Variants in NOS1AP observed in about 807,000 individuals in gnomAD.
NOS1AP encodes carboxyl-terminal PDZ ligand of neuronal nitric oxide synthase protein.
In NOS1AP, 21 loss-of-function variants were observed where a neutral mutation model predicts 56.2. The observed-to-expected ratio is 0.37, with a 90% CI of 0.26 to 0.54. The LOEUF is 0.54. Among genes scored for constraint, NOS1AP ranks in the 20% least tolerant of loss-of-function variants. The probability of loss-of-function intolerance (pLI) is 0.84; values close to 1 mark genes in which losing one functional copy is unlikely to be tolerated. For missense variants in NOS1AP, 522 were observed against 657.8 expected (o/e 0.79, Z 2.26); for synonymous variants, 270 against 274.6 (o/e 0.98, Z 0.17).
intron 3 of NOS1AP, among the ~76,000 whole-genome samples, chr1:162,288,272 C>G (rs927124690): frequency 6.6e-6 from 1 of 152,072 alleles, no homozygotes; most frequent in Non-Finnish European, 1.5e-5. Context: ...ATTTATGATG[C>G]CTTTGTTTTA....
chr1:162,155,146 G>C (rs1649886247), intron 2 of NOS1AP, among the ~76,000 whole-genome samples: 1 of 151,392 alleles, frequency 6.6e-6, no homozygotes, highest in African/African-American at 2.4e-5. Context: ...GGGGAGGGTG[G>C]AGCTAGTTAA....
chr1:162,288,760 A>T (rs1415606436), intron 3 of NOS1AP, among the ~76,000 whole-genome samples: 2 of 152,138 alleles, frequency 1.3e-5, no homozygotes, highest in Non-Finnish European at 1.5e-5. Flanking sequence ...GAAAAAAGAT[A>T]TACTGTTTAT....
At chr1:162,205,650 G>A (rs1652138478) in intron 2 of NOS1AP, among the ~76,000 whole-genome samples, 1 of 152,136 alleles carries the variant, frequency 6.6e-6, no homozygotes, top group African/African-American at 2.4e-5. Flanking sequence ...ATCACTATTG[G>A]ATCTTTTTAC....
intron 1 of NOS1AP, among the ~76,000 whole-genome samples, chr1:162,090,227 T>C (rs1185391709): frequency 1.3e-5 from 2 of 150,846 alleles, no homozygotes; most frequent in African/African-American, 5.0e-5. Context: ...GAATATTAAA[T>C]CTGTGGTTGA....
At chr1:162,082,471 G>A (rs997628062) in intron 1 of NOS1AP, among the ~76,000 whole-genome samples, 6 of 152,088 alleles carry the variant, frequency 3.9e-5, no homozygotes, top group African/African-American at 1.4e-4. Context: ...GGGATTGCTG[G>A]GTCAAATGTA....
At chr1:162,125,349 G>T (rs1187662502) in intron 1 of NOS1AP, among the ~76,000 whole-genome samples, 1 of 151,954 alleles carries the variant, frequency 6.6e-6, no homozygotes, top group African/African-American at 2.4e-5. Context: ...GCCCAAGCTG[G>T]TCTCGAACTC....
intron 2 of NOS1AP, among the ~76,000 whole-genome samples, chr1:162,186,359 CAT>C (rs1651430350): frequency 6.7e-6 from 1 of 149,490 alleles, no homozygotes; most frequent in African/African-American, 2.5e-5. Context: ...AAGCCTGACT[CAT>C]ATATATTGTA....
chr1:162,335,137 AT>A (rs1228894791), intron 5 of NOS1AP, among the ~76,000 whole-genome samples: 2 of 151,948 alleles, frequency 1.3e-5, no homozygotes, highest in African/African-American at 2.4e-5. Flanking sequence ...TATCATGTCA[AT>A]TTTTTTTCCA....
chr1:162,225,506 C>A (rs758945190), intron 2 of NOS1AP, among the ~76,000 whole-genome samples: 1 of 152,136 alleles, frequency 6.6e-6, no homozygotes, highest in Non-Finnish European at 1.5e-5. Context: ...GTGTAAAGGA[C>A]GATAAAGTGA....
intron 2 of NOS1AP, among the ~76,000 whole-genome samples, chr1:162,180,042 G>A (rs1651197366): frequency 6.6e-6 from 1 of 152,088 alleles, no homozygotes; most frequent in Admixed American, 6.6e-5. Flanking sequence ...GTGAGGACCA[G>A]CATTATGCAG....
chr1:162,318,193 A>T (rs1656292380), intron 4 of NOS1AP, among the ~76,000 whole-genome samples: 1 of 152,168 alleles, frequency 6.6e-6, no homozygotes, highest in Non-Finnish European at 1.5e-5. Flanking sequence ...TCTAGCCTAT[A>T]AATAGGCTTA....
chr1:162,235,591 G>T (rs112988303), intron 2 of NOS1AP, among the ~76,000 whole-genome samples: 2 of 152,202 alleles, frequency 1.3e-5, no homozygotes, highest in African/African-American at 4.8e-5. Flanking sequence ...GCTGCATGGG[G>T]AGATCAAAGC....
chr1:162,158,456 G>T (rs1393451938), intron 2 of NOS1AP, among the ~76,000 whole-genome samples: 5 of 152,126 alleles, frequency 3.3e-5, no homozygotes, highest in Admixed American at 2.0e-4. Context: ...ATGAACATAG[G>T]TATGTAAATA....
chr1:162,297,899 A>G (rs192620639), intron 3 of NOS1AP, among the ~76,000 whole-genome samples: 1 of 152,296 alleles, frequency 6.6e-6, no homozygotes, highest in Non-Finnish European at 1.5e-5. Flanking sequence ...CACAAATTAC[A>G]TAGTTGTGAA....
chr1:162,207,406 A>G (rs1488005625), intron 2 of NOS1AP, among the ~76,000 whole-genome samples: 1 of 152,262 alleles, frequency 6.6e-6, no homozygotes, highest in African/African-American at 2.4e-5. Context: ...CCCAAGGAAC[A>G]GCAGGCATCA....
chr1:162,328,908 C>G (rs1656678766), intron 4 of NOS1AP, among the ~76,000 whole-genome samples: 1 of 152,180 alleles, frequency 6.6e-6, no homozygotes, highest in African/African-American at 2.4e-5. Flanking sequence ...CCATAGGTTT[C>G]TTTCTACTCT....
At chr1:162,328,052 A>G (rs984112179) in intron 4 of NOS1AP, among the ~76,000 whole-genome samples, 2 of 152,254 alleles carry the variant, frequency 1.3e-5, no homozygotes, top group African/African-American at 2.4e-5. Flanking sequence ...CAGCTAGAAG[A>G]TGGCAAAGCT....
intron 1 of NOS1AP, among the ~76,000 whole-genome samples, chr1:162,118,674 C>G (rs1045340576): frequency 6.6e-6 from 1 of 152,150 alleles, no homozygotes; most frequent in Non-Finnish European, 1.5e-5. Flanking sequence ...TATAAATAAT[C>G]AGTATTTGTA....
intron 1 of NOS1AP, among the ~76,000 whole-genome samples, chr1:162,098,950 T>C (rs1451504002): frequency 5.9e-5 from 9 of 152,224 alleles, no homozygotes; most frequent in Non-Finnish European, 1.2e-4. Context: ...TCTTTGCTAC[T>C]GTGAATAGTG....
Sources: gnomAD v4.1 joint callset for allele counts (sites outside exome capture counted in the v4.1 genomes callset) on GRCh38, gnomAD v4.1.1 for gene constraint, MANE v1.5 for transcripts, NCBI Gene and HGNC (gene_info 2026-07-23, HGNC 2026-07-21) for gene names.